The following PIK3R1 variants were observed in gnomAD, a reference collection of about 807,000 sequenced individuals.
PIK3R1 encodes the protein phosphatidylinositol 3-kinase regulatory subunit alpha.
A neutral mutation model predicts 98.0 loss-of-function variants in PIK3R1; 29 were observed. The ratio of observed to expected loss-of-function variants is 0.30; its 90% CI spans 0.22 to 0.40. The LOEUF is 0.40. Ranked by LOEUF, PIK3R1 falls within the 10% of genes least tolerant of loss-of-function variation. The pLI is 1.00. For synonymous variants in PIK3R1, 282 were observed against 311.8 expected (o/e 0.90, Z 1.01); for missense variants, 596 against 872.7 (o/e 0.68, Z 3.99).
intron 2 of PIK3R1, among the ~76,000 whole-genome samples, chr5:68,258,833 G>A (rs1745626910): frequency 6.6e-6 from 1 of 152,162 alleles, no homozygotes; most frequent in African/African-American, 2.4e-5. Flanking sequence ...ATTGCAGCAG[G>A]TTCTTAGTAC....
intron 7 of PIK3R1, among the ~76,000 whole-genome samples, chr5:68,284,557 T>G (rs545280356): frequency 1.9e-4 from 29 of 152,204 alleles, no homozygotes; most frequent in Non-Finnish European, 3.7e-4. Flanking sequence ...GCCATCCACT[T>G]TATCTGCACT....
At chr5:68,289,607 T>C (rs564828388) in intron 7 of PIK3R1, among the ~76,000 whole-genome samples, 1 of 151,524 alleles carries the variant, frequency 6.6e-6, no homozygotes, top group African/African-American at 2.4e-5. Flanking sequence ...GAGAGATTGG[T>C]TCACAATGAG....
chr5:68,224,586 G>A (rs188262510), intron 1 of PIK3R1, among the ~76,000 whole-genome samples: 20 of 152,280 alleles, frequency 1.3e-4, no homozygotes, highest in African/African-American at 4.8e-4. Flanking sequence ...ATTAGATTTT[G>A]CTTCTTAAGA....
rs1468494117 is a variant in PIK3R1, at chr5:68,300,602, A to G, written c.*3001A>G. 4.3e-6 allele frequency: 1 copy of G among 233,178 alleles called. No individual in the cohort carries two copies. The highest frequency in any genetic ancestry group is 8.5e-6 in the Non-Finnish European group (1 of 118,058). The allele number at this position is 233,178 out of a possible 1,614,324, so 14.4% of individuals were successfully genotyped here. ...AAAGCATGTGTTTGCAACATCTGAT[A>G]ACTTCATGGCCTTTGATAAATGTAT... is the stretch of plus-strand genomic sequence containing the variant. On this transcript the variant is annotated 3_prime_UTR_variant, in exon 16 of 16. Coordinates refer to ENST00000521381, the MANE Select transcript of PIK3R1 (RefSeq NM_181523.3).
intron 2 of PIK3R1, among the ~76,000 whole-genome samples, chr5:68,262,502 C>CTATATATGTATACATATAGATACA: frequency 7.5e-6 from 1 of 132,596 alleles, no homozygotes; most frequent in East Asian, 2.2e-4. Flanking sequence ...ATACATATAT[C>CTATATATGTATACATATAGATACA]TATATATGTA....
intron 2 of PIK3R1, among the ~76,000 whole-genome samples, chr5:68,270,428 T>G (rs931422092): frequency 6.6e-6 from 1 of 152,198 alleles, no homozygotes; most frequent in Non-Finnish European, 1.5e-5. Context: ...TCATTTAATT[T>G]GACTTTCATA....
At chr5:68,244,978 G>A (rs939878512) in intron 2 of PIK3R1, among the ~76,000 whole-genome samples, 12 of 152,300 alleles carry the variant, frequency 7.9e-5, no homozygotes, top group African/African-American at 2.9e-4. Context: ...CAAAACAGAG[G>A]GGTAAAGGCA....
In PIK3R1 at chr5:68,262,553, A is replaced by ATACATGTATACACATGTATC. The variant is rs1554047834; in HGVS notation, c.335-10819_335-10818insTCTACATGTATACACATGTA. On this transcript the variant is annotated intron_variant, in intron 2 of 15. Coordinates refer to ENST00000521381, the MANE Select transcript of PIK3R1 (RefSeq NM_181523.3). ...AGCTATATAGATACATATCTAATGT[A>ATACATGTATACACATGTATC]TACATGTATACACATGTACCTACAT... 7.7e-3 allele frequency among the ~76,000 whole-genome samples: 1,117 copies of ATACATGTATACACATGTATC among 145,570 alleles called. 58 individuals are homozygous for ATACATGTATACACATGTATC. The highest frequency in any genetic ancestry group is 0.026 in the African/African-American group (1,025 of 39,296).
chr5:68,273,157 G>A (rs1746433137), intron 2 of PIK3R1, among the ~76,000 whole-genome samples: 1 of 152,106 alleles, frequency 6.6e-6, no homozygotes, highest in Admixed American at 6.5e-5. Context: ...GGTGGACCTG[G>A]GGGAAAGGCC....
intron 2 of PIK3R1, among the ~76,000 whole-genome samples, chr5:68,263,009 A>G (rs546000941): frequency 1.8e-3 from 100 of 54,224 alleles, no homozygotes; most frequent in Non-Finnish European, 3.2e-3. Context: ...GTATACATAT[A>G]TACATGTAGA....
chr5:68,288,825 A>G (rs1747219781), intron 7 of PIK3R1: 5 of 1,488,760 alleles, frequency 3.4e-6, no homozygotes, highest in East Asian at 2.3e-5. Context: ...GTCTTGGAGT[A>G]CGTGTGTGTG....
intron 7 of PIK3R1, chr5:68,291,838 C>G (rs373003528): frequency 6.5e-6 from 1 of 154,622 alleles, no homozygotes; most frequent in South Asian, 2.0e-4. Flanking sequence ...ATTTGTCTTT[C>G]GTAATTAAAT....
rs1182925741 is a variant in PIK3R1, at chr5:68,262,796, C to CGTAGATACATGTATACATGTAGATACAT, written c.335-10519_335-10492dup. Among the ~76,000 whole-genome samples the CGTAGATACATGTATACATGTAGATACAT allele has an allele frequency of 3.2e-4, 6 of 18,518 alleles. 1 individual carries two copies. Among genetic ancestry groups the CGTAGATACATGTATACATGTAGATACAT allele is most frequent in the East Asian group, 1.3e-3 (1 of 798 alleles). 12.1% of individuals were successfully genotyped at this position (18,518 alleles called of 152,430 possible). ...GTAGATGCATGTAGATACATGTATA[C>CGTAGATACATGTATACATGTAGATACAT]GTAGATACATGTATACATGTAGATA... On this transcript the variant is annotated intron_variant, in intron 2 of 15. Coordinates refer to ENST00000521381, the MANE Select transcript of PIK3R1 (RefSeq NM_181523.3).
chr5:68,265,354 C>T (rs890033919), intron 2 of PIK3R1, among the ~76,000 whole-genome samples: 1 of 152,124 alleles, frequency 6.6e-6, no homozygotes, highest in Non-Finnish European at 1.5e-5. Flanking sequence ...GTGTAGTGTA[C>T]TGATGTGTTA....
intron 2 of PIK3R1, among the ~76,000 whole-genome samples, chr5:68,259,899 C>G (rs1745672482): frequency 6.6e-6 from 1 of 152,158 alleles, no homozygotes; most frequent in African/African-American, 2.4e-5. Flanking sequence ...CATCTCTTAT[C>G]AGTTAAATCC....
At chr5:68,290,214 C>A (rs539840686) in intron 7 of PIK3R1, among the ~76,000 whole-genome samples, 1 of 152,300 alleles carries the variant, frequency 6.6e-6, no homozygotes, top group African/African-American at 2.4e-5. Context: ...TTCTCTTATA[C>A]ATGAGAGATA....
intron 4 of PIK3R1, 89 bp from the exon 5 acceptor site, chr5:68,279,513 C>A: frequency 7.2e-6 from 6 of 829,172 alleles, no homozygotes; most frequent in East Asian, 3.0e-5. Flanking sequence ...TTTTTTTTGT[C>A]ACATGTGAGT....
chr5:68,253,712 G>A (rs2112077885), intron 2 of PIK3R1, among the ~76,000 whole-genome samples: 1 of 152,290 alleles, frequency 6.6e-6, no homozygotes, highest in South Asian at 2.1e-4. Flanking sequence ...GGAGGTGTTA[G>A]CAAGTATCTA....
chr5:68,227,553 G>T (rs1744326726), intron 2 of PIK3R1, among the ~76,000 whole-genome samples: 1 of 152,156 alleles, frequency 6.6e-6, no homozygotes, highest in South Asian at 2.1e-4. Context: ...TAATAATTTT[G>T]GGAAAGTGGA....
Sources: allele counts gnomAD v4.1 joint callset (sites outside exome capture counted in the v4.1 genomes callset), GRCh38; gene constraint gnomAD v4.1.1; transcripts MANE v1.5; gene names NCBI Gene and HGNC (gene_info 2026-07-23, HGNC 2026-07-21).